Variants in CPNE8 observed in about 807,000 individuals in gnomAD.
CPNE8 encodes copine-8.
A neutral mutation model predicts 81.5 loss-of-function variants in CPNE8; 45 were observed. The observed-to-expected ratio is 0.55, with a 90% CI of 0.44 to 0.71. The LOEUF (loss-of-function observed/expected upper bound fraction) is 0.71, where lower values mean the gene tolerates loss of function less well. CPNE8 is among the 30% of genes least tolerant of loss of function. The probability of loss-of-function intolerance (pLI) is 0.00; values close to 1 mark genes in which losing one functional copy is unlikely to be tolerated. For synonymous variants in CPNE8, 252 were observed against 226.3 expected (o/e 1.11, Z -1.02); for missense variants, 594 against 672.1 (o/e 0.88, Z 1.28).
intron 1 of CPNE8, among the ~76,000 whole-genome samples, chr12:38,902,748 C>T (rs907317415): frequency 1.3e-5 from 2 of 152,200 alleles, no homozygotes; most frequent in African/African-American, 4.8e-5. Flanking sequence ...AAGAGAAGGA[C>T]TTTTACAGAA....
intron 1 of CPNE8, among the ~76,000 whole-genome samples, chr12:38,902,265 A>G (rs527444253): frequency 2.1e-5 from 1 of 47,616 alleles, no homozygotes; most frequent in Non-Finnish European, 5.7e-5. Context: ...AAAAAGAAAG[A>G]AAGAAAAAGA....
intron 1 of CPNE8, among the ~76,000 whole-genome samples, chr12:38,874,931 A>G (rs543789874): frequency 2.0e-5 from 3 of 152,176 alleles, no homozygotes; most frequent in Non-Finnish European, 4.4e-5. Context: ...GCACATGATC[A>G]CGTTAGTCCA....
At chr12:38,795,038 C>T (rs1365493166) in intron 6 of CPNE8, among the ~76,000 whole-genome samples, 1 of 152,142 alleles carries the variant, frequency 6.6e-6, no homozygotes, top group African/African-American at 2.4e-5. Context: ...AATATGAGAC[C>T]CCAAGTTCTT....
At chr12:38,713,119 C>A (rs1940301383) in intron 13 of CPNE8, among the ~76,000 whole-genome samples, 1 of 152,188 alleles carries the variant, frequency 6.6e-6, no homozygotes, top group Non-Finnish European at 1.5e-5. Context: ...AGGATTTGAA[C>A]TGTACAATTA....
intron 18 of CPNE8, among the ~76,000 whole-genome samples, chr12:38,674,309 C>A (rs1365143423): frequency 6.6e-6 from 1 of 152,058 alleles, no homozygotes; most frequent in Non-Finnish European, 1.5e-5. Flanking sequence ...TGAGGTTTAC[C>A]ATCTCTGAGG....
chr12:38,874,258 T>G (rs1944035148), intron 2 of CPNE8, among the ~76,000 whole-genome samples: 1 of 152,226 alleles, frequency 6.6e-6, no homozygotes, highest in Non-Finnish European at 1.5e-5. Context: ...TGTCCCACAT[T>G]GGAGTCATTT....
In CPNE8 at chr12:38,905,462, G is replaced by A; in HGVS notation, c.73C>T (p.Arg25Trp). The A allele has an allele frequency of 1.3e-6, 2 of 1,571,264 alleles. No individual in the cohort carries two copies. The highest frequency in any genetic ancestry group is 1.7e-6 in the Non-Finnish European group (2 of 1,158,172). ...CTGCAGGACACGGACACCTCCACCC[G>A]CGTGGCCGGGATGGCAGCGCTCAGC... ...NQLSAAIPAT[R>W]VEVSVSCRNL... is the part of the protein sequence containing the mutation. Residue 25 changes from arginine (R) to tryptophan (W), a missense_variant, in exon 1 of 20, where the codon CGG (arginine) becomes TGG (tryptophan). Arg to Trp is a moderately radical substitution (Grantham distance 101). Coordinates refer to ENST00000331366, the MANE Select transcript of CPNE8 (RefSeq NM_153634.3).
chr12:38,829,795 T>G (rs1470518971), intron 5 of CPNE8, among the ~76,000 whole-genome samples: 1 of 152,194 alleles, frequency 6.6e-6, no homozygotes, highest in Non-Finnish European at 1.5e-5. Flanking sequence ...TTACTGGAAT[T>G]GTTGGCTGAG....
chr12:38,848,413 T>C, intron 4 of CPNE8, 146 bp downstream of exon 4: 1 of 1,310,170 alleles, frequency 7.6e-7, no homozygotes, highest in Non-Finnish European at 9.9e-7. Flanking sequence ...AGCAGGGGGC[T>C]TGCTTGGGCC....
chr12:38,742,711 T>A (rs10783345), intron 10 of CPNE8, among the ~76,000 whole-genome samples: 3,269 of 145,500 alleles, frequency 0.022, 149 homozygotes, highest in African/African-American at 0.044. Context: ...AATAAATAAA[T>A]ATAAAACATA....
At chr12:38,734,881 T>C (rs1341253673) in intron 10 of CPNE8, among the ~76,000 whole-genome samples, 1 of 152,120 alleles carries the variant, frequency 6.6e-6, no homozygotes, top group African/African-American at 2.4e-5. Context: ...TGTTGTCTCA[T>C]AATATTTTGG....
chr12:38,672,928 G>T (rs1231729929), intron 18 of CPNE8, among the ~76,000 whole-genome samples: 1 of 152,054 alleles, frequency 6.6e-6, no homozygotes, highest in Non-Finnish European at 1.5e-5. Context: ...GGCTTTATGT[G>T]GTTAGCTGAT....
At chr12:38,797,011 C>T (rs530301347) in intron 6 of CPNE8, among the ~76,000 whole-genome samples, 5 of 152,290 alleles carry the variant, frequency 3.3e-5, no homozygotes, top group East Asian at 3.9e-4. Flanking sequence ...CCCGCCATTG[C>T]CCAGGCTTGC....
chr12:38,690,277 T>C lies in CPNE8; in HGVS notation c.1143+3380A>G, dbSNP rs370482112. Among the ~76,000 whole-genome samples the C allele has an allele frequency of 1.4e-4, 22 of 152,334 alleles. No individual in the cohort carries two copies. In the East Asian group the frequency reaches 4.1e-3, roughly 28 times the overall value. ...ATTTGTCATTTTCAGTACCTACAGA[T>C]AGATATTGCAGTGACTTAGGATGAG... On this transcript the variant is annotated intron_variant, in intron 15 of 19. Coordinates refer to ENST00000331366, the MANE Select transcript of CPNE8 (RefSeq NM_153634.3).
intron 13 of CPNE8, among the ~76,000 whole-genome samples, chr12:38,716,297 T>C (rs1387899237): frequency 6.6e-6 from 1 of 151,806 alleles, no homozygotes; most frequent in Non-Finnish European, 1.5e-5. Context: ...GTAAACACTA[T>C]CCTAAAAATC....
Position 38,813,546 on chromosome 12 carries a change from C to A in CPNE8, c.407+15833G>T, listed in dbSNP as rs1217937532. ...GAGATTTCTTTGGGACATCTATGTT[C>A]AGTGGGCAGTTGTGCCAAGGGGAGA... On this transcript the variant is annotated intron_variant, in intron 6 of 19. Transcript: ENST00000331366. 2.0e-5 allele frequency among the ~76,000 whole-genome samples: 3 copies of A among 152,138 alleles called. No homozygotes were observed. The East Asian group carries it at 5.8e-4, about 29-fold the overall frequency.
chr12:38,745,748 T>C (rs1941211851), intron 10 of CPNE8, among the ~76,000 whole-genome samples: 1 of 152,156 alleles, frequency 6.6e-6, no homozygotes, highest in Non-Finnish European at 1.5e-5. Context: ...TCTCACTATG[T>C]TACCCAGGCT....
intron 13 of CPNE8, among the ~76,000 whole-genome samples, chr12:38,706,416 A>C (rs1940107021): frequency 6.6e-6 from 1 of 152,078 alleles, no homozygotes; most frequent in South Asian, 2.1e-4. Context: ...TTATCCATTG[A>C]TTTTCTCATG....
intron 6 of CPNE8, among the ~76,000 whole-genome samples, chr12:38,794,647 CTA>C (rs1288561498): frequency 1.4e-5 from 2 of 145,088 alleles, no homozygotes; most frequent in Non-Finnish European, 3.0e-5. Context: ...AAAAAAACTA[CTA>C]TAAAAAAAAA....
Sources: gnomAD v4.1 joint callset for allele counts (sites outside exome capture counted in the v4.1 genomes callset) on GRCh38, gnomAD v4.1.1 for gene constraint, MANE v1.5 for transcripts, NCBI Gene and HGNC (gene_info 2026-07-23, HGNC 2026-07-21) for gene names.